Variants in FHAD1 observed in about 807,000 individuals in gnomAD.
The protein encoded by FHAD1 is forkhead-associated domain-containing protein 1.
In FHAD1, 146 loss-of-function variants were observed where a neutral mutation model predicts 191.3. That is an observed-to-expected ratio of 0.76 (90% CI 0.67 to 0.88). FHAD1 has a LOEUF of 0.88. Among genes scored for constraint, FHAD1 ranks in the 40% least tolerant of loss-of-function variants. FHAD1 has a pLI of 0.00. For synonymous variants in FHAD1, 616 were observed against 672.3 expected (o/e 0.92, Z 1.29); for missense variants, 1,635 against 1,785.8 (o/e 0.92, Z 1.52).
At position 15,272,548 on chromosome 1, in the gene FHAD1, G is replaced by A. The variant is rs1286382637; in HGVS notation, c.300+19G>A. 1 of 1,531,966 alleles carries A rather than the reference G, an allele frequency of 6.5e-7. No individual in the cohort carries two copies. The highest frequency in any genetic ancestry group is 2.0e-5 in the Admixed American group (1 of 50,596). The allele number at this position is 1,531,966 out of a possible 1,614,324, so 94.9% of individuals were successfully genotyped here. ...ACCTCCGGTGAGTCCGGGCCACTGG[G>A]GGATAGAGGGGCCATGTCGCCTTCG... On this transcript the variant is annotated intron_variant, in intron 3 of 33. Transcript: ENST00000688493.
At chr1:15,292,357 G>A (rs537162627) in intron 4 of FHAD1, among the ~76,000 whole-genome samples, 6 of 143,232 alleles carry the variant, frequency 4.2e-5, no homozygotes, top group East Asian at 2.1e-4. Context: ...TTTTTGAGAC[G>A]GAGTCTCGCT....
intron 2 of FHAD1, among the ~76,000 whole-genome samples, chr1:15,262,846 ATGG>A (rs1181072788): frequency 6.6e-6 from 1 of 152,236 alleles, no homozygotes; most frequent in Non-Finnish European, 1.5e-5. Context: ...GCCGGATCAT[ATGG>A]TAATTCTATT....
intron 2 of FHAD1, among the ~76,000 whole-genome samples, chr1:15,260,934 A>G (rs1290946218): frequency 6.6e-6 from 1 of 152,206 alleles, no homozygotes; most frequent in Non-Finnish European, 1.5e-5. Context: ...TAGGACACGG[A>G]CACCTTTGTG....
intron 31 of FHAD1, among the ~76,000 whole-genome samples, chr1:15,385,273 T>G (rs1701857964): frequency 6.6e-6 from 1 of 152,182 alleles, no homozygotes; most frequent in Non-Finnish European, 1.5e-5. Flanking sequence ...GTAGAATTCC[T>G]TTAAGTTTCA....
chr1:15,349,052 G>A lies in FHAD1; in HGVS notation c.2357G>A (p.Ser786Asn). Residue 786 changes from serine (S) to asparagine (N), a missense_variant, in exon 19 of 34, where the codon AGC (serine) becomes AAC (asparagine). Transcript: ENST00000688493. Reference protein sequence around the residue: ...RLARQKEVLESSIAHEKRKAK... With the variant: ...RLARQKEVLENSIAHEKRKAK... ...GTCGTTGATTTTCAGGTTTTGGAGA[G>A]CAGCATAGCCCATGAAAAAAGAAAA... The A allele has an allele frequency of 6.4e-7, 1 of 1,551,058 alleles. No individual in the cohort carries two copies. Among genetic ancestry groups the A allele is most frequent in the Non-Finnish European group, 8.7e-7 (1 of 1,146,658 alleles).
At chr1:15,256,076 A>G (rs1647930232) in intron 2 of FHAD1, among the ~76,000 whole-genome samples, 1 of 152,222 alleles carries the variant, frequency 6.6e-6, no homozygotes, top group Non-Finnish European at 1.5e-5. Context: ...CTCATTTCAG[A>G]GCTAAACCTT....
chr1:15,352,305 T>C (rs1238927763), intron 19 of FHAD1, among the ~76,000 whole-genome samples: 1 of 152,162 alleles, frequency 6.6e-6, no homozygotes, highest in Non-Finnish European at 1.5e-5. Flanking sequence ...TCCCAGGGCG[T>C]GTACAGGTGA....
chr1:15,328,584 G>GA, intron 13 of FHAD1, 155 bp downstream of exon 13: 1 of 664,784 alleles, frequency 1.5e-6, no homozygotes, highest in Non-Finnish European at 2.3e-6. Flanking sequence ...TGTTGGAGAA[G>GA]AAAAAACAAA....
chr1:15,327,399 A>G lies in FHAD1; in HGVS notation c.1557+257A>G, dbSNP rs1016024407. On this transcript the variant is annotated intron_variant, in intron 12 of 33. Coordinates refer to ENST00000688493, the MANE Select transcript of FHAD1 (RefSeq NM_001391957.1). This position sits in a 1 kb window ranked among gnomAD's most constrained non-coding sequence, Gnocchi z 5.1. ...TCGGGCTTACTTCTGGTCTCCAGAC[A>G]TGCATGTTTCGCCTCCATTAGCACT... is the stretch of plus-strand genomic sequence containing the variant. 7.5e-6 allele frequency: 3 copies of G among 399,718 alleles called. No individual in the cohort carries two copies. The highest frequency in any genetic ancestry group is 1.3e-5 in the Non-Finnish European group (3 of 223,276). The allele number at this position is 399,718 out of a possible 1,614,324, so 24.8% of individuals were successfully genotyped here.
chr1:15,241,455 T>C (rs1278946759), intron 1 of FHAD1, among the ~76,000 whole-genome samples: 1 of 151,916 alleles, frequency 6.6e-6, no homozygotes, highest in African/African-American at 2.4e-5. Context: ...GGAGTTCGAC[T>C]TCCGGACCAA....
intron 25 of FHAD1, among the ~76,000 whole-genome samples, chr1:15,367,978 G>T (rs1393199751): frequency 6.6e-6 from 1 of 151,946 alleles, no homozygotes; most frequent in Non-Finnish European, 1.5e-5. Context: ...TTGTTTGTTT[G>T]TTTTTTTGAG....
chr1:15,397,335 AAG>A lies in FHAD1; in HGVS notation c.4368_4369del (p.Glu1456AspfsTer18), dbSNP rs1265447425. On this transcript the variant is annotated frameshift_variant, in exon 34 of 34. Coordinates refer to ENST00000688493, the MANE Select transcript of FHAD1 (RefSeq NM_001391957.1). LOFTEE classifies it low-confidence loss of function (END_TRUNC). ...AAGCCTCCCTAAAGATGGACCAAGA[AAG>A]AGAGATGCTGAGGAAAGAGACCTCC... is the stretch of plus-strand genomic sequence containing the variant. ...RKASLKMDQE[R>X]EMLRKETSSK... The A allele has an allele frequency of 6.5e-7, 1 of 1,545,304 alleles. No homozygotes were observed. Among genetic ancestry groups the A allele is most frequent in the Non-Finnish European group, 8.8e-7 (1 of 1,142,672 alleles).
At chr1:15,380,888 A>C in intron 29 of FHAD1, 92 bp downstream of exon 29, 3 of 897,142 alleles carry the variant, frequency 3.3e-6, no homozygotes, top group Non-Finnish European at 3.5e-6. Flanking sequence ...TATCAACCTC[A>C]CATGCCTATT....
rs997405402 is a variant in FHAD1 at position 15,276,580 on chromosome 1, C to T, written c.300+4051C>T. 2.1e-4 allele frequency among the ~76,000 whole-genome samples: 32 copies of T among 152,256 alleles called. No homozygotes were observed. The highest frequency in any genetic ancestry group is 9.1e-4 in the Admixed American group (14 of 15,302). On this transcript the variant is annotated intron_variant, in intron 3 of 33. Transcript: ENST00000688493. This position sits in a 1 kb window ranked among gnomAD's most constrained non-coding sequence, Gnocchi z 4.7. ...CTTTGGGAGGCCAAGGCAGGAGGAT[C>T]GCTTGAGGCCAGGAGTTCAAGACCA...
upstream of FHAD1, among the ~76,000 whole-genome samples, chr1:15,246,196 G>A (rs1205569477): frequency 6.6e-6 from 1 of 152,106 alleles, no homozygotes; most frequent in Non-Finnish European, 1.5e-5. Context: ...CAGATCTCAT[G>A]AGAACTCACT....
chr1:15,328,684 C>A, intron 13 of FHAD1: 1 of 342,752 alleles, frequency 2.9e-6, no homozygotes, highest in Non-Finnish European at 5.2e-6. Flanking sequence ...CGGCCCGCAT[C>A]CCCAGCCAAA....
intron 3 of FHAD1, among the ~76,000 whole-genome samples, chr1:15,277,933 C>T (rs538499501): frequency 1.1e-4 from 16 of 152,214 alleles, no homozygotes; most frequent in South Asian, 2.1e-4. Flanking sequence ...ATTTAGTTCT[C>T]GCAAAGTAAG....
At chr1:15,262,460 C>G (rs60923519) in intron 2 of FHAD1, among the ~76,000 whole-genome samples, 1 of 152,166 alleles carries the variant, frequency 6.6e-6, no homozygotes, top group Non-Finnish European at 1.5e-5. Flanking sequence ...GAGCTAGAAA[C>G]GAGGTCTCAC....
rs1318352698 is a variant in FHAD1, at chr1:15,362,650, G to A, written c.2971G>A (p.Glu991Lys). ...ATGTCCCTCTGATACAGCCCCAAAGGAGGAAAGGCCGCAAGACCCTCTGGT... is the reference window on the plus strand; with the variant it reads ...ATGTCCCTCTGATACAGCCCCAAAGAAGGAAAGGCCGCAAGACCCTCTGGT... The part of the protein sequence containing the change: ...TLKDNDPAPK[E>K]ERPQDPLVAP... The change falls in exon 23 of 34, where the codon GAG (glutamate) becomes AAG (lysine). Residue 991 changes from glutamate to lysine, a missense_variant. Physicochemically the swap from Glu to Lys is moderately conservative, Grantham distance 56. Transcript: ENST00000688493. 3 of 1,551,782 alleles carry A rather than the reference G, an allele frequency of 1.9e-6. No homozygotes were observed. The highest frequency in any genetic ancestry group is 1.2e-5 in the South Asian group (1 of 84,058).
Sources: gnomAD v4.1 joint callset for allele counts (sites outside exome capture counted in the v4.1 genomes callset) on GRCh38, gnomAD v4.1.1 for gene constraint, Gnocchi (gnomAD v3.1) non-coding constraint, MANE v1.5 for transcripts, NCBI Gene and HGNC (gene_info 2026-07-23, HGNC 2026-07-21) for gene names.